Variants in CEP57 observed in about 807,000 individuals in gnomAD.
The protein encoded by CEP57 is centrosomal protein of 57 kDa.
A neutral mutation model predicts 68.0 loss-of-function variants in CEP57; 40 were observed. That is an observed-to-expected ratio of 0.59 (90% CI 0.46 to 0.77). The LOEUF (loss-of-function observed/expected upper bound fraction) is 0.77, where lower values mean the gene tolerates loss of function less well. Ranked by LOEUF, CEP57 falls within the 30% of genes least tolerant of loss-of-function variation. CEP57 has a pLI of 0.00. For synonymous variants in CEP57, 219 were observed against 198.7 expected, an observed-to-expected ratio of 1.10 and a Z score of -0.86; for missense variants, 606 against 580.7, an observed-to-expected ratio of 1.04 and a Z score of -0.45.
intron 1 of CEP57, among the ~76,000 whole-genome samples, chr11:95,792,434 A>G (rs916736637): frequency 1.3e-5 from 2 of 152,184 alleles, no homozygotes; most frequent in Non-Finnish European, 2.9e-5. Flanking sequence ...GAGGTATGAT[A>G]GTGCCACTGC....
At chr11:95,799,881 T>C (rs1239705114) in intron 2 of CEP57, among the ~76,000 whole-genome samples, 1 of 152,192 alleles carries the variant, frequency 6.6e-6, no homozygotes, top group East Asian at 1.9e-4. Context: ...CTTCATAGCT[T>C]ACATAATAAA....
intron 6 of CEP57, among the ~76,000 whole-genome samples, chr11:95,820,918 A>G (rs2135348810): frequency 6.6e-6 from 1 of 152,262 alleles, no homozygotes; most frequent in East Asian, 1.9e-4. Flanking sequence ...TTTGTCATGG[A>G]ATAGATTTTT....
chr11:95,817,136 G>A (rs1188708171), intron 4 of CEP57, among the ~76,000 whole-genome samples: 1 of 151,936 alleles, frequency 6.6e-6, no homozygotes, highest in African/African-American at 2.4e-5. Context: ...GGGAGGCTGA[G>A]GCGGGTGGCT....
chr11:95,806,918 T>C (rs1861828796), intron 2 of CEP57, among the ~76,000 whole-genome samples: 1 of 152,150 alleles, frequency 6.6e-6, no homozygotes, highest in Admixed American at 6.5e-5. Context: ...ACAGACTGCC[T>C]CTTCAAGTGG....
chr11:95,790,461 G>A (rs1565304007), upstream of CEP57: 2 of 591,346 alleles, frequency 3.4e-6, no homozygotes, highest in Non-Finnish European at 6.0e-6. Flanking sequence ...CTGCTGTTTT[G>A]ATTGGCTAGG....
rs2041939685 is a variant in CEP57 at position 95,813,587 on chromosome 11, CAAGT to C, written c.504+5_504+8del. 1.2e-6 allele frequency: 2 copies of C among 1,612,648 alleles called. No individual in the cohort carries two copies. The highest frequency in any genetic ancestry group is 1.7e-6 in the Non-Finnish European group (2 of 1,179,862). On this transcript the variant is annotated splice_donor_variant and coding_sequence_variant, in exon 4 of 11. Coordinates refer to ENST00000325542, the MANE Select transcript of CEP57 (RefSeq NM_014679.5). LOFTEE classifies it high-confidence loss of function. ...GGAGAGGACATCTGTCTTAGAGAAA[CAAGT>C]AAGTAAAGCACCTCACAGATTGATA...
intron 8 of CEP57, chr11:95,826,776 A>G (rs1238424313): frequency 6.6e-6 from 1 of 152,200 alleles, no homozygotes; most frequent in African/African-American, 2.4e-5. Context: ...TGCTAAATAT[A>G]TATTACAAGT....
At chr11:95,829,105 C>T (rs1862881273) in intron 9 of CEP57, 82 bp from the exon 10 acceptor site, 4 of 1,413,648 alleles carry the variant, frequency 2.8e-6, no homozygotes, top group South Asian at 2.3e-5. Flanking sequence ...ACACATGGAG[C>T]AGTAACCCAT....
intron 2 of CEP57, among the ~76,000 whole-genome samples, chr11:95,801,208 T>TGCTGAAAAGTGTTTA (rs1469506781): frequency 6.6e-6 from 1 of 152,130 alleles, no homozygotes; most frequent in Non-Finnish European, 1.5e-5. Flanking sequence ...CTATAATGGG[T>TGCTGAAAAGTGTTTA]GCTGAAAAGT....
intron 2 of CEP57, among the ~76,000 whole-genome samples, chr11:95,808,141 A>G (rs1288978529): frequency 6.6e-6 from 1 of 152,212 alleles, no homozygotes; most frequent in East Asian, 1.9e-4. Context: ...AAGGAGAAAT[A>G]AAATCCTTTA....
intron 1 of CEP57, chr11:95,794,401 T>C: frequency 2.2e-6 from 1 of 446,454 alleles, no homozygotes; most frequent in Non-Finnish European, 4.5e-6. Flanking sequence ...CTAAATTGTT[T>C]TACCAAGTGA....
chr11:95,804,867 A>ATT (rs145762468), intron 2 of CEP57, among the ~76,000 whole-genome samples: 2 of 152,060 alleles, frequency 1.3e-5, no homozygotes, highest in African/African-American at 4.8e-5. Flanking sequence ...TATGGGTGTG[A>ATT]TTTTTTTCCT....
At chr11:95,798,941 T>C (rs969642840) in intron 1 of CEP57, among the ~76,000 whole-genome samples, 3 of 152,248 alleles carry the variant, frequency 2.0e-5, no homozygotes, top group Admixed American at 6.5e-5. Flanking sequence ...GTATATATTT[T>C]TAACTGCGGT....
intron 4 of CEP57, 149 bp downstream of exon 4, chr11:95,813,738 G>T: frequency 1.2e-6 from 1 of 841,932 alleles, no homozygotes; most frequent in Non-Finnish European, 1.9e-6. Flanking sequence ...ATCTAAATAT[G>T]TGATTGGCTT....
In CEP57 at chr11:95,799,377, G is replaced by A. The variant is rs913652706; in HGVS notation, c.191G>A (p.Ser64Asn). The change falls in exon 2 of 11, where the codon AGC becomes AAC. Residue 64 changes from serine to asparagine, a missense_variant. Coordinates refer to ENST00000325542, the MANE Select transcript of CEP57 (RefSeq NM_014679.5). ...PSKPTLAYPE[S>N]NSRAIFSALK... ...AAGCCTACACTTGCCTATCCAGAAA[G>A]CAACAGCAGAGGTAATCGAGCCTAA... 6 of 1,613,996 alleles carry A rather than the reference G, an allele frequency of 3.7e-6. No homozygotes were observed. The Admixed American group carries it at 1.0e-4, about 27-fold the overall frequency.
intron 2 of CEP57, among the ~76,000 whole-genome samples, chr11:95,800,393 T>A (rs502521): frequency 0.28 from 42,676 of 151,696 alleles, 7,089 homozygotes; most frequent in Non-Finnish European, 0.38. Context: ...CTTTTTTTTT[T>A]TTATTTTTTA....
At chr11:95,830,216 GTA>G (rs1256046226) in intron 10 of CEP57, among the ~76,000 whole-genome samples, 1 of 152,184 alleles carries the variant, frequency 6.6e-6, no homozygotes, top group African/African-American at 2.4e-5. Context: ...TTTCTGGGAA[GTA>G]TGCATATATC....
chr11:95,830,527 T>C (rs1862956622), intron 10 of CEP57, among the ~76,000 whole-genome samples: 1 of 152,186 alleles, frequency 6.6e-6, no homozygotes, highest in African/African-American at 2.4e-5. Flanking sequence ...TAAAATTCTT[T>C]TCATAGTATT....
In CEP57 at chr11:95,827,473, C is replaced by CA. The variant is rs1438581738; in HGVS notation, c.886-306dup. On this transcript the variant is annotated intron_variant, in intron 8 of 10. Coordinates refer to ENST00000325542, the MANE Select transcript of CEP57 (RefSeq NM_014679.5). ...AATGATATAAATGTTGCTAATACAC[C>CA]AAAAAAATGTCATCTGCAAATATGG... is the stretch of plus-strand genomic sequence containing the variant. 4 of 321,720 alleles carry CA rather than the reference C, an allele frequency of 1.2e-5. No homozygotes were observed. The Admixed American group carries it at 1.4e-4, about 11-fold the overall frequency. 19.9% of individuals were successfully genotyped at this position (321,720 alleles called of 1,614,324 possible).
Sources: allele counts gnomAD v4.1 joint callset (sites outside exome capture counted in the v4.1 genomes callset), GRCh38; gene constraint gnomAD v4.1.1; transcripts MANE v1.5; gene names NCBI Gene and HGNC (gene_info 2026-07-23, HGNC 2026-07-21).